Variants in SNX13 observed in about 807,000 individuals in gnomAD.
The protein encoded by SNX13 is sorting nexin 13.
In SNX13, 45 loss-of-function variants were observed where a neutral mutation model predicts 133.6. The ratio of observed to expected loss-of-function variants is 0.34; its 90% CI spans 0.27 to 0.43. The LOEUF (loss-of-function observed/expected upper bound fraction) is 0.43, where lower values mean the gene tolerates loss of function less well. SNX13 is among the 20% of genes least tolerant of loss of function. The probability of loss-of-function intolerance (pLI) is 1.00; values close to 1 mark genes in which losing one functional copy is unlikely to be tolerated. For missense variants in SNX13, 1,032 were observed against 1,145.1 expected (o/e 0.90, Z 1.43); for synonymous variants, 414 against 373.9 (o/e 1.11, Z -1.24).
intron 18 of SNX13, among the ~76,000 whole-genome samples, 152 bp downstream of exon 18, chr7:17,821,357 T>C (rs1166469967): frequency 6.6e-6 from 1 of 152,220 alleles, no homozygotes; most frequent in Non-Finnish European, 1.5e-5. Context: ...ACTGGTTAAA[T>C]GCTCAGATTA....
At position 17,875,748 on chromosome 7, in the gene SNX13, A is replaced by G. The variant is rs774393430; in HGVS notation, c.483T>C (p.Ile161=). ...GTAAGTGTGTGCCAAAGTCATCTAC[A>G]ATGCGTGTAGTAAAATAAGGTTGCC... ...IDWQPYFTTR[I]VDDFGTHLRV... is the part of the protein sequence containing the mutation. The change falls in exon 6 of 26, where the codon ATT becomes ATC. Residue 161 remains isoleucine (I), a synonymous_variant. Transcript: ENST00000428135. The G allele has an allele frequency of 6.2e-6, 10 of 1,611,694 alleles. No homozygotes were observed. The African/African-American group carries it at 1.3e-4, about 22-fold the overall frequency.
intron 12 of SNX13, 37 bp from the exon 13 acceptor site, chr7:17,840,037 T>C (rs1424457111): frequency 3.2e-6 from 5 of 1,556,192 alleles, no homozygotes; most frequent in Admixed American, 1.9e-5. Flanking sequence ...TAAATATTAG[T>C]GTCACACAAT....
intron 12 of SNX13, among the ~76,000 whole-genome samples, chr7:17,841,695 AT>A (rs1249083536): frequency 6.6e-6 from 1 of 151,914 alleles, no homozygotes; most frequent in Non-Finnish European, 1.5e-5. Context: ...CTGATGGAAT[AT>A]CTACTAGATG....
At chr7:17,864,804 G>A (rs57606543) in intron 9 of SNX13, among the ~76,000 whole-genome samples, 4 of 145,098 alleles carry the variant, frequency 2.8e-5, no homozygotes, top group Non-Finnish European at 6.0e-5. Flanking sequence ...GAGGGGAAAG[G>A]GAAGAAAGGG....
At chr7:17,845,969 C>G (rs1477595980) in intron 11 of SNX13, among the ~76,000 whole-genome samples, 2 of 151,974 alleles carry the variant, frequency 1.3e-5, no homozygotes, top group Non-Finnish European at 2.9e-5. Flanking sequence ...TTCAATTATT[C>G]TCTATCTCTA....
At chr7:17,919,191 T>C (rs370706370) in intron 1 of SNX13, among the ~76,000 whole-genome samples, 4 of 152,144 alleles carry the variant, frequency 2.6e-5, no homozygotes, top group African/African-American at 7.2e-5. Flanking sequence ...ACCTCAGCAA[T>C]GCACAAAATA....
chr7:17,849,610 C>T (rs1485015600), intron 11 of SNX13, among the ~76,000 whole-genome samples: 2 of 152,106 alleles, frequency 1.3e-5, no homozygotes, highest in African/African-American at 4.8e-5. Context: ...CATATATGAC[C>T]ATATAAGATC....
intron 5 of SNX13, 90 bp downstream of exon 5, chr7:17,890,273 A>T: frequency 4.0e-6 from 5 of 1,261,312 alleles, no homozygotes; most frequent in Non-Finnish European, 5.4e-6. Context: ...ACCTTTTAAT[A>T]AACAATTCCT....
chr7:17,834,732 A>G, intron 14 of SNX13, 29 bp downstream of exon 14: 1 of 1,408,064 alleles, frequency 7.1e-7, no homozygotes, highest in Non-Finnish European at 9.8e-7. Context: ...CAAAAAAGAT[A>G]AAATGATAAA....
chr7:17,809,784 T>G (rs373209445), intron 20 of SNX13, among the ~76,000 whole-genome samples: 1 of 152,134 alleles, frequency 6.6e-6, no homozygotes, highest in Admixed American at 6.6e-5. Context: ...CAGACCACAG[T>G]GCAATCAAAT....
intron 9 of SNX13, among the ~76,000 whole-genome samples, chr7:17,856,375 C>T (rs1791884829): frequency 6.6e-6 from 1 of 151,982 alleles, no homozygotes; most frequent in African/African-American, 2.4e-5. Context: ...ATCACTTAAC[C>T]ACAAAAGAAG....
At chr7:17,931,322 C>A (rs1047604381) in intron 1 of SNX13, among the ~76,000 whole-genome samples, 1 of 150,816 alleles carries the variant, frequency 6.6e-6, no homozygotes, top group African/African-American at 2.4e-5. Context: ...CTGGATAACA[C>A]AATATCACAT....
At chr7:17,854,004 T>C (rs919146878) in intron 9 of SNX13, among the ~76,000 whole-genome samples, 2 of 151,706 alleles carry the variant, frequency 1.3e-5, no homozygotes, top group African/African-American at 4.8e-5. Context: ...CACAGAATCC[T>C]AAAGAAAGTT....
chr7:17,814,975 T>G, intron 19 of SNX13, 31 bp from the exon 20 acceptor site: 1 of 1,354,356 alleles, frequency 7.4e-7, no homozygotes, highest in Non-Finnish European at 9.5e-7. Context: ...AAGAAGAGAT[T>G]ATCTTAAACT....
At chr7:17,920,065 A>G (rs1799961686) in intron 1 of SNX13, among the ~76,000 whole-genome samples, 1 of 152,212 alleles carries the variant, frequency 6.6e-6, no homozygotes, top group Admixed American at 6.5e-5. Context: ...GACTTAAAAC[A>G]GGCTTCATCT....
In SNX13 at chr7:17,831,940, T is replaced by A. The variant is rs1369438391; in HGVS notation, c.1598-1893A>T. On this transcript the variant is annotated intron_variant, in intron 15 of 25. Coordinates refer to ENST00000428135, the MANE Select transcript of SNX13 (RefSeq NM_015132.5). ...AGTTACTTTAAATAGTAATGTTTCA[T>A]ATTATACCCATCACTCCATATACTT... 3 of 984,078 alleles carry A rather than the reference T, an allele frequency of 3.0e-6. No individual in the cohort carries two copies. In the African/African-American group the frequency reaches 5.2e-5, roughly 17 times the overall value. The allele number at this position is 984,078 out of a possible 1,614,324, so 61.0% of individuals were successfully genotyped here. A position where few individuals can be genotyped will look rare whatever the true frequency, so the allele number is the denominator to read the frequency against.
intron 1 of SNX13, among the ~76,000 whole-genome samples, chr7:17,915,048 C>CA (rs1799391044): frequency 6.6e-6 from 1 of 151,668 alleles, no homozygotes; most frequent in African/African-American, 2.4e-5. Context: ...AAATGGAAAA[C>CA]AAAAAAGATA....
At position 17,850,811 on chromosome 7, in the gene SNX13, A is replaced by G. The variant is rs777407012; in HGVS notation, c.976+15T>C. The stretch of plus-strand genomic sequence containing the variant: ...ACTTCAAAAAAATATATCTTAAATT[A>G]AATACATTACTTACCATCACCAGCT... On this transcript the variant is annotated intron_variant, in intron 10 of 25. Coordinates refer to ENST00000428135, the MANE Select transcript of SNX13 (RefSeq NM_015132.5). 6.5e-6 allele frequency: 10 copies of G among 1,527,972 alleles called. No homozygotes were observed. The African/African-American group carries it at 1.1e-4, about 17-fold the overall frequency. The allele number at this position is 1,527,972 out of a possible 1,614,324, so 94.7% of individuals were successfully genotyped here.
intron 8 of SNX13, among the ~76,000 whole-genome samples, chr7:17,870,818 T>C (rs1794009193): frequency 6.6e-6 from 1 of 152,134 alleles, no homozygotes; most frequent in Admixed American, 6.6e-5. Flanking sequence ...AACAACCAAA[T>C]TACCATCTTA....
Sources: gnomAD v4.1 joint callset for allele counts (sites outside exome capture counted in the v4.1 genomes callset) on GRCh38, gnomAD v4.1.1 for gene constraint, MANE v1.5 for transcripts, NCBI Gene and HGNC (gene_info 2026-07-23, HGNC 2026-07-21) for gene names.